NMT2: variants seen among roughly 807,000 people sequenced by gnomAD.
NMT2 encodes N-myristoyltransferase 2.
A neutral mutation model predicts 65.4 loss-of-function variants in NMT2; 35 were observed. That is an observed-to-expected ratio of 0.54 (90% CI 0.41 to 0.71). The LOEUF (loss-of-function observed/expected upper bound fraction) is 0.71. Ranked by LOEUF, NMT2 falls within the 30% of genes least tolerant of loss-of-function variation. The probability of loss-of-function intolerance (pLI) is 0.00; values close to 1 mark genes in which losing one functional copy is unlikely to be tolerated. For missense variants in NMT2, 489 were observed against 611.3 expected, an observed-to-expected ratio of 0.80 and a Z score of 2.11; for synonymous variants, 226 against 231.8, an observed-to-expected ratio of 0.98 and a Z score of 0.23.
intron 1 of NMT2, chr10:15,154,964 G>A: frequency 8.9e-7 from 1 of 1,128,092 alleles, no homozygotes; most frequent in South Asian, 1.2e-5. Context: ...TGAAAATCTG[G>A]GAATCGTTTG....
At chr10:15,135,775 T>C (rs934379860) in intron 2 of NMT2, among the ~76,000 whole-genome samples, 7 of 150,932 alleles carry the variant, frequency 4.6e-5, no homozygotes, top group African/African-American at 1.7e-4. Flanking sequence ...CCACGAGCCT[T>C]GGGTGGGGGG....
In NMT2 at chr10:15,106,014, A is replaced by AGAT; in HGVS notation, c.*3178_*3180dup. ...GCTGCAGTTATTTATTTTACTTTCG[A>AGAT]GATAGAGTCTCACTCTGTTGCCCAG... is the stretch of plus-strand genomic sequence containing the variant. On this transcript the variant is annotated 3_prime_UTR_variant, in exon 12 of 12. Transcript: ENST00000378165. 1 of 417,874 alleles carries AGAT rather than the reference A, an allele frequency of 2.4e-6. No individual in the cohort carries two copies. 25.9% of individuals were successfully genotyped at this position (417,874 alleles called of 1,614,324 possible).
chr10:15,144,969 T>C (rs944828449), intron 1 of NMT2, among the ~76,000 whole-genome samples: 9 of 152,176 alleles, frequency 5.9e-5, no homozygotes, highest in African/African-American at 2.2e-4. Flanking sequence ...AGCAGCATCA[T>C]TCATAACAGC....
chr10:15,165,986 T>C (rs908345642), intron 1 of NMT2, among the ~76,000 whole-genome samples: 4 of 152,192 alleles, frequency 2.6e-5, no homozygotes, highest in Non-Finnish European at 4.4e-5. Context: ...ATAAAACATC[T>C]GATATTTCAT....
chr10:15,137,717 C>A (rs1020670146), intron 2 of NMT2, among the ~76,000 whole-genome samples: 1 of 152,132 alleles, frequency 6.6e-6, no homozygotes, highest in African/African-American at 2.4e-5. Context: ...CTTTTTCTTT[C>A]TTGATTTAAT....
intron 3 of NMT2, 71 bp downstream of exon 3, chr10:15,135,201 GTT>G: frequency 7.5e-7 from 1 of 1,330,162 alleles, no homozygotes; most frequent in Non-Finnish European, 1.1e-6. Flanking sequence ...TTTTGTTGTT[GTT>G]GTTGTTGTTG....
At chr10:15,131,516 C>G (rs2131543205) in intron 6 of NMT2, among the ~76,000 whole-genome samples, 1 of 152,200 alleles carries the variant, frequency 6.6e-6, no homozygotes, top group East Asian at 1.9e-4. Flanking sequence ...GGTGCAGAAT[C>G]TGATAAGATG....
rs267602426 is a variant in NMT2, at chr10:15,133,317, G to C, written c.438C>G (p.Asn146Lys). The C allele has an allele frequency of 1.9e-6, 3 of 1,614,082 alleles. No homozygotes were observed. In the Admixed American group the frequency reaches 5.0e-5, roughly 27 times the overall value. Reference protein sequence around the residue: ...SHGAIEPDKDNVRQEPYSLPQ... With the variant: ...SHGAIEPDKDKVRQEPYSLPQ... Reference sequence around the variant, plus strand: ...GCAAAGAATACGGTTCTTGGCGTACGTTGTCTTTATCTGGTTCAATTGCAC... The same window carrying C: ...GCAAAGAATACGGTTCTTGGCGTACCTTGTCTTTATCTGGTTCAATTGCAC... The change falls in exon 4 of 12, where the codon AAC becomes AAG. Residue 146 changes from asparagine (N) to lysine (K), a missense_variant. Coordinates refer to ENST00000378165, the MANE Select transcript of NMT2 (RefSeq NM_004808.3).
chr10:15,163,962 A>G (rs1344623899), intron 1 of NMT2, among the ~76,000 whole-genome samples: 1 of 151,830 alleles, frequency 6.6e-6, no homozygotes, highest in African/African-American at 2.4e-5. Context: ...GGCGGATCAC[A>G]AGGTCAGGAG....
At chr10:15,120,745 T>A (rs1342763905) in intron 8 of NMT2, among the ~76,000 whole-genome samples, 1 of 152,162 alleles carries the variant, frequency 6.6e-6, no homozygotes, top group Non-Finnish European at 1.5e-5. Context: ...TCAGGCTGGA[T>A]GGGAAGGCAA....
At chr10:15,118,109 C>CTAA (rs1845803328) in intron 9 of NMT2, among the ~76,000 whole-genome samples, 1 of 152,200 alleles carries the variant, frequency 6.6e-6, no homozygotes, top group African/African-American at 2.4e-5. Flanking sequence ...CTACCTGATA[C>CTAA]TAAGGCTTCC....
intron 8 of NMT2, among the ~76,000 whole-genome samples, chr10:15,120,409 G>C (rs752689546): frequency 1.5e-4 from 23 of 152,204 alleles, no homozygotes; most frequent in Non-Finnish European, 2.1e-4. Flanking sequence ...AGTGAACCAT[G>C]ATCACGCCAC....
chr10:15,161,975 G>A (rs938609532), intron 1 of NMT2, among the ~76,000 whole-genome samples: 58 of 152,190 alleles, frequency 3.8e-4, no homozygotes, highest in African/African-American at 1.3e-3. Flanking sequence ...ACAGATCGCC[G>A]GGCACGGTGG....
intron 3 of NMT2, 29 bp downstream of exon 3, chr10:15,135,245 G>GA: frequency 6.2e-7 from 1 of 1,610,300 alleles, no homozygotes. Context: ...TGTTTGTGGG[G>GA]AAAAAAAGAG....
At position 15,108,873 on chromosome 10, in the gene NMT2, G is replaced by T; in HGVS notation, c.*322C>A. 1.8e-6 allele frequency: 2 copies of T among 1,114,466 alleles called. No individual in the cohort carries two copies. Among genetic ancestry groups the T allele is most frequent in the Admixed American group, 5.5e-5 (1 of 18,070 alleles). The allele number at this position is 1,114,466 out of a possible 1,614,324, so 69.0% of individuals were successfully genotyped here. ...TACATGACTCTGTAACTTCTACTTA[G>T]TCCATAGAAAAACAGTCCCTTTTCT... On this transcript the variant is annotated 3_prime_UTR_variant, in exon 12 of 12. Coordinates refer to ENST00000378165, the MANE Select transcript of NMT2 (RefSeq NM_004808.3).
rs1410072210 is a variant in NMT2 at position 15,168,670 on chromosome 10, C to G, written c.-58G>C. 3 of 1,302,582 alleles carry G rather than the reference C, an allele frequency of 2.3e-6. No homozygotes were observed. Among genetic ancestry groups the G allele is most frequent in the Admixed American group, 2.1e-5 (1 of 48,592 alleles). The allele number at this position is 1,302,582 out of a possible 1,614,324, so 80.7% of individuals were successfully genotyped here. On this transcript the variant is annotated 5_prime_UTR_variant, in exon 1 of 12. Transcript: ENST00000378165. ...GGGCCGGGCCGGAGCGGCCGCAGCT[C>G]CCTCTAGTGCCTCCCGCCGTACTGC...
intron 9 of NMT2, among the ~76,000 whole-genome samples, chr10:15,113,811 G>A (rs1186250993): frequency 6.6e-6 from 1 of 152,178 alleles, no homozygotes; most frequent in Non-Finnish European, 1.5e-5. Flanking sequence ...GGAGAATTTT[G>A]CAGCTATCAA....
chr10:15,168,007 G>A (rs566820856), intron 1 of NMT2, among the ~76,000 whole-genome samples: 2 of 152,342 alleles, frequency 1.3e-5, no homozygotes, highest in African/African-American at 4.8e-5. Context: ...CCTCCACGCC[G>A]CTCCACCCAC....
At chr10:15,135,170 G>A in intron 3 of NMT2, 104 bp downstream of exon 3, 2 of 1,145,240 alleles carry the variant, frequency 1.7e-6, no homozygotes, top group East Asian at 4.7e-5. Flanking sequence ...AATGATACAT[G>A]TGAAGTTAAC....
Sources: allele counts gnomAD v4.1 joint callset (sites outside exome capture counted in the v4.1 genomes callset), GRCh38; gene constraint gnomAD v4.1.1; transcripts MANE v1.5; gene names NCBI Gene and HGNC (gene_info 2026-07-23, HGNC 2026-07-21).